Variants in ZFHX3 observed in about 807,000 individuals in gnomAD.
ZFHX3 encodes the protein zinc finger homeobox 3, also known as zinc finger homeobox protein 3.
ZFHX3 carries 42 observed loss-of-function variants against 279.1 expected under a neutral mutation model. The observed-to-expected ratio is 0.15, with a 90% confidence interval of 0.12 to 0.19. ZFHX3 has a LOEUF of 0.19. Among genes scored for constraint, ZFHX3 ranks in the 10% least tolerant of loss-of-function variants. ZFHX3 has a pLI of 1.00. For missense variants in ZFHX3, 4,981 were observed against 4,754.0 expected (o/e 1.05, Z -1.40); for synonymous variants, 2,293 against 1,957.8 (o/e 1.17, Z -4.52).
chr16:73,310,764 C>A (rs1342535688), intron 4 of ZFHX3, among the ~76,000 whole-genome samples: 1 of 151,996 alleles, frequency 6.6e-6, no homozygotes, highest in African/African-American at 2.4e-5. Context: ...ATAAAAGAAT[C>A]GTTAAAAATT....
intron 3 of ZFHX3, chr16:73,386,756 A>AAG (rs1211204194): frequency 6.6e-6 from 1 of 151,810 alleles, no homozygotes; most frequent in Non-Finnish European, 1.5e-5. Flanking sequence ...GGAAGCAAAA[A>AAG]AAAAAAAGAT....
intron 2 of ZFHX3, 140 bp downstream of exon 2, chr16:72,957,287 T>G: frequency 2.1e-6 from 2 of 960,884 alleles, no homozygotes; most frequent in Non-Finnish European, 3.1e-6. Context: ...GAATACTTGA[T>G]TGTAAGACAC....
chr16:73,784,944 C>T (rs1959599439), intron 1 of ZFHX3, among the ~76,000 whole-genome samples: 1 of 151,848 alleles, frequency 6.6e-6, no homozygotes. Context: ...GAGGAAACCA[C>T]TTTCAGCTCT....
intron 7 of ZFHX3, chr16:73,126,718 G>A (rs1450340653): frequency 2.0e-5 from 3 of 152,246 alleles, no homozygotes; most frequent in Non-Finnish European, 4.4e-5. Flanking sequence ...GATGGGGGTG[G>A]ATTCAAGGAC....
chr16:73,684,453 G>C (rs2053057771), intron 1 of ZFHX3, among the ~76,000 whole-genome samples: 1 of 152,024 alleles, frequency 6.6e-6, no homozygotes, highest in Non-Finnish European at 1.5e-5. Context: ...ACAATTGCTA[G>C]ATAACTCTGA....
chr16:73,808,775 A>G (rs1960351351), intron 1 of ZFHX3, among the ~76,000 whole-genome samples: 1 of 152,168 alleles, frequency 6.6e-6, no homozygotes, highest in African/African-American at 2.4e-5. Context: ...AACTTAGAAG[A>G]GAAAGAATTA....
At chr16:73,293,894 T>C (rs1302955249) in intron 4 of ZFHX3, 1 of 151,308 alleles carries the variant, frequency 6.6e-6, no homozygotes, top group Non-Finnish European at 1.5e-5. Context: ...AGAACTTCCA[T>C]TGTACATTTG....
At chr16:73,071,473 T>C (rs939175211) in intron 8 of ZFHX3, among the ~76,000 whole-genome samples, 4 of 150,610 alleles carry the variant, frequency 2.7e-5, no homozygotes, top group Middle Eastern at 3.2e-3. Context: ...CTGCTGCTGC[T>C]GCTGCCGCCG....
At chr16:73,768,593 T>C (rs2053980809) in intron 1 of ZFHX3, among the ~76,000 whole-genome samples, 3 of 152,228 alleles carry the variant, frequency 2.0e-5, no homozygotes, top group Admixed American at 2.0e-4. Context: ...TCAATCTCTC[T>C]ACAGATTGCC....
At chr16:72,992,049 G>A (rs1026215793) in intron 1 of ZFHX3, among the ~76,000 whole-genome samples, 1 of 152,170 alleles carries the variant, frequency 6.6e-6, no homozygotes, top group Admixed American at 6.5e-5. Context: ...GCCCTGAGTT[G>A]GGGGCAGAGG....
At chr16:73,091,706 T>C (rs1966084902) in intron 8 of ZFHX3, among the ~76,000 whole-genome samples, 1 of 152,226 alleles carries the variant, frequency 6.6e-6, no homozygotes, top group South Asian at 2.1e-4. Context: ...TTTGTCGAGC[T>C]GAGTCTTCAT....
At position 72,796,316 on chromosome 16, in the gene ZFHX3, C is replaced by G; in HGVS notation, c.6366G>C (p.Glu2122Asp). Residue 2122 changes from glutamate (E) to aspartate (D), a missense_variant, in exon 9 of 10, where the codon GAG (glutamate) becomes GAC (aspartate). Glu to Asp is a conservative substitution (Grantham distance 45). Coordinates refer to ENST00000268489, the MANE Select transcript of ZFHX3 (RefSeq NM_006885.4). ...AQLPPQLGPV[E>D]PLPADLAQLY... is the part of the protein sequence containing the mutation. ...GTTGGGCCAGGTCCGCAGGCAGAGG[C>G]TCCACAGGTCCCAGCTGCGGGGGTA... 1 of 1,614,082 alleles carries G rather than the reference C, an allele frequency of 6.2e-7. No homozygotes were observed. The highest frequency in any genetic ancestry group is 8.5e-7 in the Non-Finnish European group (1 of 1,180,004).
At chr16:72,816,620 T>C (rs2036613515) in intron 5 of ZFHX3, among the ~76,000 whole-genome samples, 1 of 152,188 alleles carries the variant, frequency 6.6e-6, no homozygotes, top group South Asian at 2.1e-4. Flanking sequence ...AAGACTAGCA[T>C]GTCCCTGTTA....
At chr16:73,734,496 A>T (rs1379501937) in intron 1 of ZFHX3, among the ~76,000 whole-genome samples, 1 of 152,194 alleles carries the variant, frequency 6.6e-6, no homozygotes, top group African/African-American at 2.4e-5. Context: ...CAGCAATAAG[A>T]TAGTATCTGT....
chr16:72,986,051 C>A (rs1479500510), intron 1 of ZFHX3, among the ~76,000 whole-genome samples: 2 of 152,084 alleles, frequency 1.3e-5, no homozygotes, highest in Admixed American at 6.6e-5. Context: ...CACCCCCCAC[C>A]CCGCCAACTC....
At chr16:73,881,138 C>T (rs771453573) in intron 1 of ZFHX3, among the ~76,000 whole-genome samples, 24 of 152,098 alleles carry the variant, frequency 1.6e-4, no homozygotes, top group Non-Finnish European at 2.9e-4. Flanking sequence ...CACATACTCA[C>T]TCATTCAGAA....
rs1318621260 is a variant in ZFHX3 at position 72,794,735 on chromosome 16, T to C, written c.7947A>G (p.Thr2649=). 2 of 1,614,182 alleles carry C rather than the reference T, an allele frequency of 1.2e-6. No individual in the cohort carries two copies. The highest frequency in any genetic ancestry group is 1.7e-5 in the Admixed American group (1 of 60,026). ...QRDKRLRTTI[T]PEQLEILYQK... ...GGTAGAGAATTTCTAGTTGTTCCGG[T>C]GTGATGGTTGTTCTCAAACGCTTGT... The change falls in exon 9 of 10, where the codon ACA becomes ACG. Residue 2649 remains threonine (T), a synonymous_variant. Coordinates refer to ENST00000268489, the MANE Select transcript of ZFHX3 (RefSeq NM_006885.4). The surrounding 1 kb of genome is among the most constrained non-coding windows in gnomAD (Gnocchi z 4.2).
At chr16:73,698,654 A>G (rs375999409) in intron 1 of ZFHX3, among the ~76,000 whole-genome samples, 2 of 152,198 alleles carry the variant, frequency 1.3e-5, no homozygotes, top group South Asian at 4.1e-4. Flanking sequence ...AAACACTGGA[A>G]GAATCCAAGT....
chr16:73,801,242 G>A (rs1201781616), intron 1 of ZFHX3, among the ~76,000 whole-genome samples: 1 of 152,078 alleles, frequency 6.6e-6, no homozygotes, highest in Non-Finnish European at 1.5e-5. Context: ...TACTGACTCA[G>A]GCCCCTATCT....
Sources: gnomAD v4.1 joint callset for allele counts (sites outside exome capture counted in the v4.1 genomes callset) on GRCh38, gnomAD v4.1.1 for gene constraint, Gnocchi (gnomAD v3.1) non-coding constraint, MANE v1.5 for transcripts, NCBI Gene and HGNC (gene_info 2026-07-23, HGNC 2026-07-21) for gene names.